CNTROB: variants seen among roughly 807,000 people sequenced by gnomAD.
The protein encoded by CNTROB is centrobin.
A neutral mutation model predicts 115.7 loss-of-function variants in CNTROB; 82 were observed. The ratio of observed to expected loss-of-function variants is 0.71; its 90% CI spans 0.59 to 0.85. The LOEUF (loss-of-function observed/expected upper bound fraction) is 0.85, where lower values mean the gene tolerates loss of function less well. CNTROB is among the 40% of genes least tolerant of loss of function. The pLI is 0.00. For synonymous variants in CNTROB, 439 were observed against 456.4 expected, an observed-to-expected ratio of 0.96 and a Z score of 0.49; for missense variants, 1,014 against 1,144.4, an observed-to-expected ratio of 0.89 and a Z score of 1.64.
At chr17:7,945,638 A>G in intron 12 of CNTROB, 90 bp from the exon 13 acceptor site, 3 of 1,397,380 alleles carry the variant, frequency 2.1e-6, no homozygotes, top group Non-Finnish European at 2.9e-6. Context: ...GCATCCGGAA[A>G]TTTATAATCT....
Position 7,949,598 on chromosome 17 carries a change from G to T in CNTROB, c.*88G>T. The T allele has an allele frequency of 7.3e-7, 1 of 1,369,226 alleles. No homozygotes were observed. Among genetic ancestry groups the T allele is most frequent in the South Asian group, 1.8e-5 (1 of 57,136 alleles). 84.8% of individuals were successfully genotyped at this position (1,369,226 alleles called of 1,614,324 possible). A position where few individuals can be genotyped will look rare whatever the true frequency, so the allele number is the denominator to read the frequency against. On this transcript the variant is annotated 3_prime_UTR_variant, in exon 19 of 19. Transcript: ENST00000563694. ...TCTGTATCAGAGTCTCTGGCTCATA[G>T]GAATTTGGAAAATAGAGGTTTTGTA...
In CNTROB at chr17:7,933,174, C is replaced by A. The variant is rs767815015; in HGVS notation, c.95C>A (p.Ser32Tyr). The A allele has an allele frequency of 2.5e-5, 40 of 1,614,000 alleles. No homozygotes were observed. The highest frequency in any genetic ancestry group is 3.4e-5 in the Non-Finnish European group (40 of 1,180,046). The change falls in exon 1 of 19, where the codon TCT becomes TAT. Residue 32 changes from serine (S) to tyrosine (Y), a missense_variant. By Grantham distance (144) the Ser-to-Tyr change is moderately radical. Transcript: ENST00000563694. ...SEPPGLNQVSSEVTSQLYASL... is the reference protein window; with the variant it reads ...SEPPGLNQVSYEVTSQLYASL... ...CCCCCTGGGCTCAACCAAGTGTCGT[C>A]TGAAGTGACCTCCCAGCTCTATGCT...
intron 7 of CNTROB, among the ~76,000 whole-genome samples, chr17:7,937,691 G>A (rs938876881): frequency 4.6e-5 from 7 of 151,944 alleles, no homozygotes; most frequent in African/African-American, 9.7e-5. Context: ...TAGTCCCAGC[G>A]ACTTGGGAGG....
intron 12 of CNTROB, 61 bp from the exon 13 acceptor site, chr17:7,945,667 A>G (rs1974445243): frequency 2.0e-6 from 3 of 1,521,692 alleles, no homozygotes; most frequent in South Asian, 1.2e-5. Flanking sequence ...TGTTTGTACC[A>G]TGTCTTATCT....
chr17:7,933,259 C>T lies in CNTROB; in HGVS notation c.180C>T (p.Ser60=), dbSNP rs1392107042. 2.5e-6 allele frequency: 4 copies of T among 1,614,128 alleles called. No homozygotes were observed. The highest frequency in any genetic ancestry group is 2.5e-6 in the Non-Finnish European group (3 of 1,180,048). The change falls in exon 1 of 19, where the codon TCC becomes TCT. Residue 60 remains serine, a synonymous_variant. Coordinates refer to ENST00000563694, the MANE Select transcript of CNTROB (RefSeq NM_053051.5). ...ATARAQLYLP[S]TSPPHEGLDG... ...CCCGAGCCCAGCTGTATTTACCCTC[C>T]ACCTCCCCGCCTCATGAAGGGTTAG...
rs768614959 is a variant in CNTROB, at chr17:7,944,495, C to T, written c.1591C>T (p.Arg531Ter). The T allele has an allele frequency of 9.9e-6, 16 of 1,613,846 alleles. No homozygotes were observed. Among genetic ancestry groups the T allele is most frequent in the Middle Eastern group, 1.6e-4 (1 of 6,082 alleles). Reference sequence around the variant, plus strand: ...CTTCAGACTGGCCCGGGAGCAAGCGCGAGTGTGCGAACTGCAGAGTGGGAA... The same window carrying T: ...CTTCAGACTGGCCCGGGAGCAAGCGTGAGTGTGCGAACTGCAGAGTGGGAA... ...YELRLAREQA[R>*]VCELQSGNQQ... Residue 531 changes from arginine (R) to a stop codon, truncating the protein, a stop_gained, in exon 12 of 19, where the codon CGA becomes TGA. Coordinates refer to ENST00000563694, the MANE Select transcript of CNTROB (RefSeq NM_053051.5). LOFTEE classifies it high-confidence loss of function. The surrounding 1 kb of genome is among the most constrained non-coding windows in gnomAD (Gnocchi z 4.0).
intron 9 of CNTROB, among the ~76,000 whole-genome samples, chr17:7,942,596 C>CAA (rs377086554): frequency 2.8e-3 from 158 of 55,936 alleles, no homozygotes; most frequent in Non-Finnish European, 3.2e-3. Flanking sequence ...GACTCCATCT[C>CAA]AAAAAAAAAA....
Position 7,933,322 on chromosome 17 carries a change from C to A in CNTROB, c.243C>A (p.Val81=). ...AAGAATTGAGTCGAAGCTTGTCAGT[C>A]GGATTGGAAAAGAACTTGAAGAAAA... The part of the protein sequence containing the change: ...FAQELSRSLS[V]GLEKNLKKKD... The change falls in exon 1 of 19, where the codon GTC becomes GTA. Residue 81 remains valine (V), a synonymous_variant. Transcript: ENST00000563694. 6.2e-7 allele frequency: 1 copy of A among 1,613,664 alleles called. No individual in the cohort carries two copies. The highest frequency in any genetic ancestry group is 8.5e-7 in the Non-Finnish European group (1 of 1,179,840).
chr17:7,949,627 A>T lies in CNTROB; in HGVS notation c.*117A>T. On this transcript the variant is annotated 3_prime_UTR_variant, in exon 19 of 19. Transcript: ENST00000563694. ...TTTGGAAAATAGAGGTTTTGTAGGGAATCACTTCGTAAAGAAACCACATTT... is the reference window on the plus strand; with the variant it reads ...TTTGGAAAATAGAGGTTTTGTAGGGTATCACTTCGTAAAGAAACCACATTT... 3.7e-6 allele frequency: 4 copies of T among 1,074,394 alleles called. No homozygotes were observed. Among genetic ancestry groups the T allele is most frequent in the Non-Finnish European group, 5.1e-6 (4 of 787,584 alleles). 66.6% of individuals were successfully genotyped at this position (1,074,394 alleles called of 1,614,324 possible).
rs1567920551 is a variant in CNTROB at position 7,940,176 on chromosome 17, G to A, written c.1245G>A (p.Leu415=). 1 of 1,613,060 alleles carries A rather than the reference G, an allele frequency of 6.2e-7. No homozygotes were observed. Among genetic ancestry groups the A allele is most frequent in the Admixed American group, 1.7e-5 (1 of 59,976 alleles). Residue 415 remains leucine (L), a synonymous_variant, in exon 9 of 19, where the codon CTG becomes CTA. Transcript: ENST00000563694. The part of the protein sequence containing the change: ...LALVQSEVRR[L]EGELDTARRE... Reference sequence around the variant, plus strand: ...TGGTGCAGTCTGAGGTGCGGCGGCTGGAAGGAGAGCTGGATACAGCTCGGA... The same window carrying A: ...TGGTGCAGTCTGAGGTGCGGCGGCTAGAAGGAGAGCTGGATACAGCTCGGA...
At chr17:7,942,000 C>T (rs1187267851) in intron 9 of CNTROB, among the ~76,000 whole-genome samples, 3 of 150,206 alleles carry the variant, frequency 2.0e-5, no homozygotes, top group Admixed American at 1.3e-4. Context: ...GGTGTGGTGG[C>T]TCACGCCTGT....
chr17:7,940,288 A>C (rs765035293), intron 9 of CNTROB, 46 bp downstream of exon 9: 5 of 1,534,994 alleles, frequency 3.3e-6, no homozygotes, highest in Non-Finnish European at 4.4e-6. Context: ...ACAGAAGTAG[A>C]TCTGAGGCAG....
chr17:7,945,548 C>T, intron 12 of CNTROB, 180 bp from the exon 13 acceptor site: 1 of 627,978 alleles, frequency 1.6e-6, no homozygotes, highest in Non-Finnish European at 2.7e-6. Flanking sequence ...GATGGCATCT[C>T]TCTATGTTGC....
chr17:7,944,536 G>A lies in CNTROB; in HGVS notation c.1632G>A (p.Glu544=). ...ELQSGNQQLE[E]QRVELVERLQ... is the part of the protein sequence containing the mutation. ...AGAGTGGGAACCAGCAGCTGGAGGA[G>A]CAGCGGGTGGAGCTGGTGGAAAGAC... Residue 544 remains glutamate (E), a synonymous_variant, in exon 12 of 19, where the codon GAG becomes GAA. Transcript: ENST00000563694. This position sits in a 1 kb window ranked among gnomAD's most constrained non-coding sequence, Gnocchi z 4.0. 1 of 1,614,178 alleles carries A rather than the reference G, an allele frequency of 6.2e-7. No homozygotes were observed. The highest frequency in any genetic ancestry group is 8.5e-7 in the Non-Finnish European group (1 of 1,180,026).
At position 7,937,216 on chromosome 17, in the gene CNTROB, G is replaced by A. The variant is rs371997214; in HGVS notation, c.881G>A (p.Arg294His). 77 of 1,614,056 alleles carry A rather than the reference G, an allele frequency of 4.8e-5. 1 individual carries two copies. In the African/African-American group the frequency reaches 8.4e-4, roughly 18 times the overall value. ...SLSEAMEALN[R>H]EQESARLQQR... The stretch of plus-strand genomic sequence containing the variant: ...TCTGAGGCCATGGAGGCCCTGAATC[G>A]TGAGCAGGAAAGTGCCAGACTGCAG... The change falls in exon 7 of 19, where the codon CGT (arginine) becomes CAT (histidine). Residue 294 changes from arginine (R) to histidine (H), a missense_variant. Arg to His is a conservative substitution (Grantham distance 29, BLOSUM62 0). Coordinates refer to ENST00000563694, the MANE Select transcript of CNTROB (RefSeq NM_053051.5).
chr17:7,933,206 C>G lies in CNTROB; in HGVS notation c.127C>G (p.Arg43Gly), dbSNP rs778894802. 6.8e-6 allele frequency: 11 copies of G among 1,614,148 alleles called. No homozygotes were observed. Among genetic ancestry groups the G allele is most frequent in the Middle Eastern group, 1.6e-4 (1 of 6,084 alleles). Reference sequence around the variant, plus strand: ...GACCTCCCAGCTCTATGCTTCTTTGCGCCTCAGCCGGCAGGCGGAGGCCAC... The same window carrying G: ...GACCTCCCAGCTCTATGCTTCTTTGGGCCTCAGCCGGCAGGCGGAGGCCAC... Reference protein sequence around the residue: ...EVTSQLYASLRLSRQAEATAR... With the variant: ...EVTSQLYASLGLSRQAEATAR... The change falls in exon 1 of 19, where the codon CGC (arginine) becomes GGC (glycine). Residue 43 changes from arginine to glycine, a missense_variant. Coordinates refer to ENST00000563694, the MANE Select transcript of CNTROB (RefSeq NM_053051.5).
In CNTROB at chr17:7,943,336, TC is replaced by T. The variant is rs1974135259; in HGVS notation, c.1312-53del. ...GATTTTGTCTACATTATATCCTCCATCCTCTTCTAAGCCCAAACAGATTTGG... is the reference window on the plus strand; with the variant it reads ...GATTTTGTCTACATTATATCCTCCATCTCTTCTAAGCCCAAACAGATTTGG... On this transcript the variant is annotated intron_variant, in intron 9 of 18. Coordinates refer to ENST00000563694, the MANE Select transcript of CNTROB (RefSeq NM_053051.5). This position sits in a 1 kb window ranked among gnomAD's most constrained non-coding sequence, Gnocchi z 4.7. 1 of 1,402,516 alleles carries T rather than the reference TC, an allele frequency of 7.1e-7. No individual in the cohort carries two copies. The highest frequency in any genetic ancestry group is 1.8e-5 in the Admixed American group (1 of 56,044). The allele number at this position is 1,402,516 out of a possible 1,614,324, so 86.9% of individuals were successfully genotyped here. A position where few individuals can be genotyped will look rare whatever the true frequency, so the allele number is the denominator to read the frequency against.
At position 7,944,292 on chromosome 17, in the gene CNTROB, C is replaced by T. The variant is rs1260619625; in HGVS notation, c.1571+44C>T. ...CCCCTTTCAGGCCCCAGCCCCTTTC[C>T]CATGGGTAGAGCCCAAACTGGGAAC... is the stretch of plus-strand genomic sequence containing the variant. On this transcript the variant is annotated intron_variant, in intron 11 of 18. Coordinates refer to ENST00000563694, the MANE Select transcript of CNTROB (RefSeq NM_053051.5). The surrounding 1 kb of genome is among the most constrained non-coding windows in gnomAD (Gnocchi z 4.0). 1.2e-6 allele frequency: 2 copies of T among 1,606,616 alleles called. No individual in the cohort carries two copies. Among genetic ancestry groups the T allele is most frequent in the African/African-American group, 1.3e-5 (1 of 74,910 alleles).
At position 7,949,444 on chromosome 17, in the gene CNTROB, C is replaced by G; in HGVS notation, c.2646C>G (p.Pro882=). 3 of 1,614,128 alleles carry G rather than the reference C, an allele frequency of 1.9e-6. No homozygotes were observed. The highest frequency in any genetic ancestry group is 2.5e-6 in the Non-Finnish European group (3 of 1,180,020). The change falls in exon 19 of 19, where the codon CCC becomes CCG. Residue 882 remains proline (P), a synonymous_variant. Transcript: ENST00000563694. The part of the protein sequence containing the change: ...LATAPKTEKP[P]ARKKSGHPAP... Reference sequence around the variant, plus strand: ...CAGCCCCCAAGACTGAAAAACCTCCCGCACGGAAGAAAAGTGGGCACCCTG... The same window carrying G: ...CAGCCCCCAAGACTGAAAAACCTCCGGCACGGAAGAAAAGTGGGCACCCTG...
Sources: gnomAD v4.1 joint callset for allele counts (sites outside exome capture counted in the v4.1 genomes callset) on GRCh38, gnomAD v4.1.1 for gene constraint, Gnocchi (gnomAD v3.1) non-coding constraint, MANE v1.5 for transcripts, NCBI Gene and HGNC (gene_info 2026-07-23, HGNC 2026-07-21) for gene names.